The following VPS41 variants were observed in gnomAD, a reference collection of about 807,000 sequenced individuals.
VPS41 encodes the protein VPS41 subunit of HOPS complex, also known as vacuolar protein sorting-associated protein 41 homolog.
A neutral mutation model predicts 130.9 loss-of-function variants in VPS41; 85 were observed. That is an observed-to-expected ratio of 0.65 (90% CI 0.55 to 0.78). VPS41 has a LOEUF of 0.78. Among genes scored for constraint, VPS41 ranks in the 30% least tolerant of loss-of-function variants. The probability of loss-of-function intolerance (pLI) is 0.00; values close to 1 mark genes in which losing one functional copy is unlikely to be tolerated. For synonymous variants in VPS41, 335 were observed against 332.9 expected (o/e 1.01, Z -0.07); for missense variants, 874 against 1,018.7 (o/e 0.86, Z 1.93).
In VPS41 at chr7:38,723,127, A is replaced by G. The variant is rs1175853438; in HGVS notation, c.*3119T>C. 2 of 152,208 alleles carry G rather than the reference A, an allele frequency of 1.3e-5. No homozygotes were observed. Among genetic ancestry groups the G allele is most frequent in the East Asian group, 3.9e-4 (2 of 5,192 alleles). 9.4% of individuals were successfully genotyped at this position (152,208 alleles called of 1,614,324 possible). On this transcript the variant is annotated 3_prime_UTR_variant, in exon 29 of 29. Coordinates refer to ENST00000310301, the MANE Select transcript of VPS41 (RefSeq NM_014396.4). ...AGTGTTTCATCTCTGTCGTCTTCAT[A>G]CTGAGTAGGCTGAGAAGGAGGAGGA... is the stretch of plus-strand genomic sequence containing the variant.
chr7:38,762,058 G>A (rs537562447), intron 17 of VPS41, among the ~76,000 whole-genome samples: 5 of 151,956 alleles, frequency 3.3e-5, no homozygotes, highest in East Asian at 1.9e-4. Flanking sequence ...TGCCAACTTC[G>A]AACACAAAAT....
chr7:38,824,440 G>A (rs540167359), intron 5 of VPS41, among the ~76,000 whole-genome samples: 1 of 152,282 alleles, frequency 6.6e-6, no homozygotes, highest in East Asian at 1.9e-4. Context: ...CTAGGTCTAA[G>A]AGCAAATACC....
intron 22 of VPS41, among the ~76,000 whole-genome samples, chr7:38,749,324 T>C (rs911472477): frequency 4.5e-4 from 69 of 152,266 alleles, no homozygotes; most frequent in African/African-American, 1.6e-3. Context: ...TCTCAACAAT[T>C]AGCCAATTGT....
intron 4 of VPS41, among the ~76,000 whole-genome samples, chr7:38,847,242 A>T (rs1785745918): frequency 6.6e-6 from 1 of 152,146 alleles, no homozygotes; most frequent in African/African-American, 2.4e-5. Flanking sequence ...ATTTTAAATG[A>T]TAATTTAGCC....
intron 4 of VPS41, among the ~76,000 whole-genome samples, chr7:38,838,775 T>C (rs1197487298): frequency 1.3e-5 from 2 of 152,352 alleles, no homozygotes; most frequent in African/African-American, 2.4e-5. Context: ...AATTACCTAA[T>C]GTAAGATGCT....
intron 4 of VPS41, among the ~76,000 whole-genome samples, chr7:38,849,047 A>AT (rs1008910925): frequency 8.6e-5 from 13 of 151,716 alleles, no homozygotes; most frequent in Admixed American, 3.3e-4. Flanking sequence ...TCCAGTGAGA[A>AT]TTTTTTTTTC....
intron 7 of VPS41, among the ~76,000 whole-genome samples, chr7:38,801,327 A>C (rs915500360): frequency 6.6e-6 from 1 of 152,206 alleles, no homozygotes; most frequent in Non-Finnish European, 1.5e-5. Context: ...TGTGCTCAAA[A>C]ATGGAGGGGG....
intron 10 of VPS41, 121 bp from the exon 11 acceptor site, chr7:38,776,897 C>A: frequency 1.9e-6 from 1 of 528,332 alleles, no homozygotes; most frequent in Non-Finnish European, 3.5e-6. Context: ...GTAAAGGGGA[C>A]ACCGTTGAAC....
intron 22 of VPS41, among the ~76,000 whole-genome samples, chr7:38,751,229 A>G (rs1031401533): frequency 6.6e-6 from 1 of 152,250 alleles, no homozygotes. Flanking sequence ...GTAAGTGTAC[A>G]TAAACTGTGT....
At chr7:38,858,877 AT>A (rs566688244) in intron 4 of VPS41, among the ~76,000 whole-genome samples, 3 of 152,180 alleles carry the variant, frequency 2.0e-5, no homozygotes, top group Non-Finnish European at 4.4e-5. Context: ...CCTCCTACTT[AT>A]AAAAAAAGAA....
intron 7 of VPS41, among the ~76,000 whole-genome samples, chr7:38,800,845 T>TAAAC (rs1489659428): frequency 6.6e-6 from 1 of 151,904 alleles, no homozygotes; most frequent in African/African-American, 2.4e-5. Flanking sequence ...TCAAAATAAA[T>TAAAC]AAATAAATAA....
chr7:38,757,213 A>G (rs1783813140), intron 18 of VPS41, among the ~76,000 whole-genome samples: 1 of 152,192 alleles, frequency 6.6e-6, no homozygotes, highest in Admixed American at 6.5e-5. Flanking sequence ...GAAAATTCAC[A>G]ATATTCAAGT....
intron 2 of VPS41, among the ~76,000 whole-genome samples, chr7:38,882,072 C>A (rs1786621317): frequency 6.6e-6 from 1 of 152,116 alleles, no homozygotes; most frequent in Admixed American, 6.5e-5. Context: ...CAGGGCATCT[C>A]AAAGGTATTT....
chr7:38,816,059 G>C (rs368217816), intron 7 of VPS41, among the ~76,000 whole-genome samples: 3 of 152,042 alleles, frequency 2.0e-5, no homozygotes, highest in Admixed American at 6.6e-5. Flanking sequence ...AATACGAGAG[G>C]AATGTTAATG....
intron 2 of VPS41, among the ~76,000 whole-genome samples, chr7:38,879,934 C>A (rs1786569561): frequency 6.6e-6 from 1 of 151,374 alleles, no homozygotes; most frequent in Non-Finnish European, 1.5e-5. Flanking sequence ...CAAAATCCTA[C>A]TGAAATTCAT....
chr7:38,883,472 C>G (rs956202639), intron 2 of VPS41, among the ~76,000 whole-genome samples: 1 of 152,172 alleles, frequency 6.6e-6, no homozygotes. Context: ...CCTGAACAGA[C>G]AGGCCTTCCC....
intron 12 of VPS41, among the ~76,000 whole-genome samples, chr7:38,772,872 A>T (rs1234323707): frequency 6.6e-6 from 1 of 152,132 alleles, no homozygotes; most frequent in East Asian, 1.9e-4. Flanking sequence ...ACCAAAAAGC[A>T]AGAGAGGGAA....
At chr7:38,794,075 A>G (rs530390415) in intron 9 of VPS41, among the ~76,000 whole-genome samples, 2 of 152,188 alleles carry the variant, frequency 1.3e-5, no homozygotes, top group Non-Finnish European at 2.9e-5. Flanking sequence ...GTAATGAGTA[A>G]ACTTGTTACA....
intron 7 of VPS41, chr7:38,797,073 T>C (rs1448310350): frequency 1.8e-6 from 1 of 559,736 alleles, no homozygotes; most frequent in Non-Finnish European, 3.0e-6. Context: ...TTAAAATGGA[T>C]GAGTGTTGAA....
Sources: gnomAD v4.1 joint callset for allele counts (sites outside exome capture counted in the v4.1 genomes callset) on GRCh38, gnomAD v4.1.1 for gene constraint, MANE v1.5 for transcripts, NCBI Gene and HGNC (gene_info 2026-07-23, HGNC 2026-07-21) for gene names.